DEF8: variants seen among roughly 807,000 people sequenced by gnomAD.
DEF8 encodes DEF-8.
Under a neutral mutation model 59.1 loss-of-function variants are expected in DEF8, and 38 were observed. The observed-to-expected ratio is 0.64, with a 90% confidence interval of 0.50 to 0.84. The LOEUF (loss-of-function observed/expected upper bound fraction) is 0.84. Among genes scored for constraint, DEF8 ranks in the 40% least tolerant of loss-of-function variants. The pLI, the probability that DEF8 is intolerant of heterozygous loss-of-function variation, is 0.00. For missense variants in DEF8, 557 were observed against 615.2 expected (o/e 0.91, Z 1.00); for synonymous variants, 265 against 250.1 (o/e 1.06, Z -0.56).
intron 5 of DEF8, chr16:89,958,501 A>G: frequency 6.0e-6 from 1 of 165,912 alleles, no homozygotes; most frequent in South Asian, 1.4e-4. Context: ...TATCCCTGGG[A>G]ATGTAGAAAG....
chr16:89,960,767 A>C (rs530358443), intron 6 of DEF8, among the ~76,000 whole-genome samples, 164 bp from the exon 7 acceptor site: 1 of 152,122 alleles, frequency 6.6e-6, no homozygotes, highest in Admixed American at 6.6e-5. Flanking sequence ...GGCCAGGGAG[A>C]AAAGGATCTT....
intron 5 of DEF8, 45 bp downstream of exon 5, chr16:89,957,705 C>T: frequency 6.7e-7 from 1 of 1,491,788 alleles, no homozygotes; most frequent in Non-Finnish European, 9.0e-7. Context: ...GGGGCCGAGG[C>T]CAGAACTGTG....
chr16:89,955,659 C>T (rs891817238), intron 4 of DEF8, among the ~76,000 whole-genome samples: 43 of 152,304 alleles, frequency 2.8e-4, no homozygotes, highest in African/African-American at 1.0e-3. Context: ...CAAGGGGAAG[C>T]CCCTTGTCTG....
chr16:89,954,490 C>G lies in DEF8; in HGVS notation c.124+114C>G. 8.6e-7 allele frequency: 1 copy of G among 1,163,574 alleles called. No individual in the cohort carries two copies. 72.1% of individuals were successfully genotyped at this position (1,163,574 alleles called of 1,614,324 possible). A position where few individuals can be genotyped will look rare whatever the true frequency, so the allele number is the denominator to read the frequency against. On this transcript the variant is annotated intron_variant, in intron 3 of 12. Coordinates refer to ENST00000563594, the MANE Select transcript of DEF8 (RefSeq NM_001242818.2). The surrounding 1 kb of genome is among the most constrained non-coding windows in gnomAD (Gnocchi z 4.3). ...AGCCCTGGCTTTCCCACGGAGCCGG[C>G]ACCTGCTGGCTGTGTTCTTTTTCCC... is the stretch of plus-strand genomic sequence containing the variant.
In DEF8 at chr16:89,954,516, A is replaced by C; in HGVS notation, c.124+140A>C. 2.2e-6 allele frequency: 2 copies of C among 926,906 alleles called. No homozygotes were observed. The highest frequency in any genetic ancestry group is 1.7e-5 in the South Asian group (1 of 58,810). 57.4% of individuals were successfully genotyped at this position (926,906 alleles called of 1,614,324 possible). A position where few individuals can be genotyped will look rare whatever the true frequency, so the allele number is the denominator to read the frequency against. On this transcript the variant is annotated intron_variant, in intron 3 of 12. Coordinates refer to ENST00000563594, the MANE Select transcript of DEF8 (RefSeq NM_001242818.2). This position sits in a 1 kb window ranked among gnomAD's most constrained non-coding sequence, Gnocchi z 4.3. ...ACCTGCTGGCTGTGTTCTTTTTCCC[A>C]TCTCTTCTGTGGTCGTGTGGTTTGT... is the stretch of plus-strand genomic sequence containing the variant.
intron 6 of DEF8, among the ~76,000 whole-genome samples, chr16:89,959,884 C>A (rs2033796716): frequency 6.6e-6 from 1 of 152,210 alleles, no homozygotes; most frequent in Admixed American, 6.5e-5. Flanking sequence ...TGGGGGCAGC[C>A]CTGTGGTTGA....
intron 2 of DEF8, chr16:89,950,350 T>C (rs1227083851): frequency 1.0e-6 from 1 of 984,678 alleles, no homozygotes; most frequent in Non-Finnish European, 1.2e-6. Flanking sequence ...CCCTGATTTA[T>C]AGGCAAGACA....
chr16:89,963,506 G>C, intron 10 of DEF8, 63 bp downstream of exon 10: 1 of 1,478,146 alleles, frequency 6.8e-7, no homozygotes. Flanking sequence ...AGGCACCTCA[G>C]GCTCAGGTTT....
chr16:89,957,610 G>C lies in DEF8; in HGVS notation c.322G>C (p.Asp108His), dbSNP rs1316735887. Reference protein sequence around the residue: ...ELPEQSEKQKDAVVRLIHLRL... With the variant: ...ELPEQSEKQKHAVVRLIHLRL... ...GCCCGAGCAGTCGGAGAAGCAGAAG[G>C]ATGCCGTGGTGCGACTCATCCACCT... Residue 108 changes from aspartate to histidine, a missense_variant, in exon 5 of 13, where the codon GAT becomes CAT. Transcript: ENST00000563594. The C allele has an allele frequency of 9.5e-6, 15 of 1,581,674 alleles. No individual in the cohort carries two copies. Among genetic ancestry groups the C allele is most frequent in the Non-Finnish European group, 1.2e-5 (14 of 1,164,384 alleles).
In DEF8 at chr16:89,961,853, G is replaced by A. The variant is rs2034065340; in HGVS notation, c.796G>A (p.Glu266Lys). Reference protein sequence around the residue: ...PARVVHNWDFEPRKVSRCSMR... With the variant: ...PARVVHNWDFKPRKVSRCSMR... ...ACGCGTTGTACACAACTGGGACTTT[G>A]AGCCTCGAAAGGTGGGGGTTGGAAG... Residue 266 changes from glutamate to lysine, a missense_variant, in exon 8 of 13, where the codon GAG (glutamate) becomes AAG (lysine). Transcript: ENST00000563594. The A allele has an allele frequency of 1.2e-6, 2 of 1,602,820 alleles. No individual in the cohort carries two copies. Among genetic ancestry groups the A allele is most frequent in the Non-Finnish European group, 1.7e-6 (2 of 1,172,952 alleles).
chr16:89,962,724 A>G (rs565794777), intron 9 of DEF8, among the ~76,000 whole-genome samples: 2 of 152,384 alleles, frequency 1.3e-5, no homozygotes, highest in Non-Finnish European at 2.9e-5. Flanking sequence ...CAATATATCC[A>G]AAATGTTATT....
Position 89,949,626 on chromosome 16 carries a change from CG to C in DEF8, c.-11+114del, listed in dbSNP as rs769057945. ...CCTGGTGGTCACGCCGCGGGCAGGA[CG>C]CGGGAGGCCAGGTCCGTGCATCCCG... On this transcript the variant is annotated intron_variant, in intron 2 of 12. Transcript: ENST00000563594. 6 of 1,611,856 alleles carry C rather than the reference CG, an allele frequency of 3.7e-6. No homozygotes were observed. In the African/African-American group the frequency reaches 8.0e-5, roughly 22 times the overall value.
chr16:89,961,019 A>G lies in DEF8; in HGVS notation c.603A>G (p.Glu201=). The G allele has an allele frequency of 1.2e-6, 2 of 1,614,108 alleles. No individual in the cohort carries two copies. The highest frequency in any genetic ancestry group is 1.7e-6 in the Non-Finnish European group (2 of 1,180,006). ...SSKVSHQAEY[E]LNICPETGLD... ...AAGTCAGCCACCAAGCTGAATACGA[A>G]CTGAACATCTGCCCTGAGACAGGGC... is the stretch of plus-strand genomic sequence containing the variant. Residue 201 remains glutamate, a synonymous_variant, in exon 7 of 13, where the codon GAA becomes GAG. Transcript: ENST00000563594.
At chr16:89,950,197 G>A (rs1482266047) in intron 2 of DEF8, 7 of 986,358 alleles carry the variant, frequency 7.1e-6, no homozygotes, top group African/African-American at 7.0e-5. Flanking sequence ...TTCCCCAGGC[G>A]TAGCTCCTGC....
intron 5 of DEF8, chr16:89,958,261 A>C (rs895278116): frequency 3.3e-5 from 5 of 152,280 alleles, no homozygotes; most frequent in African/African-American, 4.8e-5. Context: ...CCACTGACCC[A>C]ATGACGGTGG....
In DEF8 at chr16:89,966,960, C is replaced by A. The variant is rs1375204376; in HGVS notation, c.*997C>A. 3 of 252,110 alleles carry A rather than the reference C, an allele frequency of 1.2e-5. No individual in the cohort carries two copies. Among genetic ancestry groups the A allele is most frequent in the Non-Finnish European group, 2.3e-5 (3 of 133,010 alleles). The allele number at this position is 252,110 out of a possible 1,614,324, so 15.6% of individuals were successfully genotyped here. On this transcript the variant is annotated 3_prime_UTR_variant, in exon 13 of 13. Coordinates refer to ENST00000563594, the MANE Select transcript of DEF8 (RefSeq NM_001242818.2). ...AAGAGAGCTGAGAGTATTCGCTCGA[C>A]TGAGCACATTCAGGAAGATCAGGGC...
chr16:89,949,403 G>C lies in DEF8; in HGVS notation c.-107-14G>C. On this transcript the variant is annotated splice_polypyrimidine_tract_variant and intron_variant, in intron 1 of 12. Coordinates refer to ENST00000563594, the MANE Select transcript of DEF8 (RefSeq NM_001242818.2). The stretch of plus-strand genomic sequence containing the variant: ...GGTGGGGAGGCACAGTGCTGGGGTG[G>C]CTTCTCCCTGCAGCAGGTGCCGAAC... 1.3e-6 allele frequency: 2 copies of C among 1,595,156 alleles called. No individual in the cohort carries two copies. The highest frequency in any genetic ancestry group is 1.7e-6 in the Non-Finnish European group (2 of 1,173,906).
At chr16:89,960,896 C>T (rs200639779) in intron 6 of DEF8, 35 bp from the exon 7 acceptor site, 46 of 1,600,094 alleles carry the variant, frequency 2.9e-5, no homozygotes, top group Non-Finnish European at 3.8e-5. Flanking sequence ...GCGCACCCTT[C>T]CCGCTTTTGA....
At position 89,957,577 on chromosome 16, in the gene DEF8, C is replaced by G; in HGVS notation, c.289C>G (p.Leu97Val). 1 of 1,590,188 alleles carries G rather than the reference C, an allele frequency of 6.3e-7. No homozygotes were observed. Residue 97 changes from leucine (L) to valine (V), a missense_variant, in exon 5 of 13, where the codon CTG becomes GTG. Transcript: ENST00000563594. ...QAIEECKQVI[L>V]ELPEQSEKQK... ...GATCGAGGAGTGCAAGCAGGTGATT[C>G]TGGAGCTGCCCGAGCAGTCGGAGAA...
Sources: allele counts gnomAD v4.1 joint callset (sites outside exome capture counted in the v4.1 genomes callset), GRCh38; gene constraint gnomAD v4.1.1; non-coding constraint Gnocchi (gnomAD v3.1); transcripts MANE v1.5; gene names NCBI Gene and HGNC (gene_info 2026-07-23, HGNC 2026-07-21).